GAK: variants seen among roughly 807,000 people sequenced by gnomAD.
The protein encoded by GAK is cyclin-G-associated kinase.
In GAK, 79 loss-of-function variants were observed where a neutral mutation model predicts 143.9. That is an observed-to-expected ratio of 0.55 (90% CI 0.46 to 0.66). The LOEUF is 0.66. GAK is among the 30% of genes least tolerant of loss of function. The pLI, the probability that GAK is intolerant of heterozygous loss-of-function variation, is 0.00. For missense variants in GAK, 1,693 were observed against 1,779.7 expected, an observed-to-expected ratio of 0.95 and a Z score of 0.88; for synonymous variants, 881 against 765.5, an observed-to-expected ratio of 1.15 and a Z score of -2.49.
intron 24 of GAK, among the ~76,000 whole-genome samples, chr4:857,518 T>C (rs865778987): frequency 6.6e-6 from 1 of 152,232 alleles, no homozygotes; most frequent in South Asian, 2.1e-4. Flanking sequence ...ATCTACTTGA[T>C]ATTGGGTAAG....
chr4:920,011 G>A (rs887208761), intron 1 of GAK, among the ~76,000 whole-genome samples: 4 of 151,934 alleles, frequency 2.6e-5, no homozygotes, highest in Admixed American at 1.3e-4. Flanking sequence ...GCAAGATCTT[G>A]TCTTAAAAAA....
intron 1 of GAK, among the ~76,000 whole-genome samples, chr4:924,316 G>A (rs1283778287): frequency 1.3e-5 from 2 of 152,074 alleles, no homozygotes; most frequent in African/African-American, 2.4e-5. Flanking sequence ...TGGTGAGGAA[G>A]TGGAGAGCCA....
intron 1 of GAK, among the ~76,000 whole-genome samples, chr4:926,534 C>T (rs1440094921): frequency 6.6e-6 from 1 of 152,212 alleles, no homozygotes; most frequent in Admixed American, 6.5e-5. Context: ...ACCCACTTTC[C>T]AGGGCTACTG....
At chr4:859,125 C>T (rs1243464606) in intron 24 of GAK, 14 of 975,038 alleles carry the variant, frequency 1.4e-5, no homozygotes, top group Non-Finnish European at 1.7e-5. Context: ...GAAGCCACAG[C>T]GCCCGGGGCC....
intron 1 of GAK, among the ~76,000 whole-genome samples, chr4:920,307 C>CA (rs527953136): frequency 0.04 from 4,800 of 119,416 alleles, 153 homozygotes; most frequent in African/African-American, 0.099. Flanking sequence ...AAGTCCATCT[C>CA]AAAAAAAAAA....
intron 23 of GAK, 91 bp downstream of exon 23, chr4:865,031 A>G: frequency 1.3e-6 from 2 of 1,501,884 alleles, no homozygotes; most frequent in Non-Finnish European, 9.0e-7. Context: ...CTCTGCGCAG[A>G]GAGGGCCCTG....
At position 876,591 on chromosome 4, in the gene GAK, A is replaced by G; in HGVS notation, c.1993T>C (p.Phe665Leu). 6.2e-7 allele frequency: 1 copy of G among 1,614,188 alleles called. No homozygotes were observed. Among genetic ancestry groups the G allele is most frequent in the Non-Finnish European group, 8.5e-7 (1 of 1,180,026 alleles). The part of the protein sequence containing the change: ...LQAKMASMKM[F>L]QIQFHTGFVP... Reference sequence around the variant, plus strand: ...AACCCCGTGTGGAACTGAATCTGGAACATCTTCATGGATGCCATCTGCAAA... The same window carrying G: ...AACCCCGTGTGGAACTGAATCTGGAGCATCTTCATGGATGCCATCTGCAAA... Residue 665 changes from phenylalanine to leucine, a missense_variant, in exon 18 of 28, where the codon TTC becomes CTC. Around this residue, in one of 2 missense-constraint regions of GAK, gnomAD observed 871 missense variants for 991.0 expected, o/e 0.88. Coordinates refer to ENST00000314167, the MANE Select transcript of GAK (RefSeq NM_005255.4).
chr4:921,104 C>G (rs1042599467), intron 1 of GAK, among the ~76,000 whole-genome samples: 2 of 150,274 alleles, frequency 1.3e-5, no homozygotes, highest in Admixed American at 1.3e-4. Context: ...ATTTCTTCTT[C>G]TTTTTCTTTT....
intron 1 of GAK, among the ~76,000 whole-genome samples, chr4:926,704 G>A (rs963833995): frequency 5.3e-5 from 8 of 152,140 alleles, no homozygotes; most frequent in Admixed American, 5.2e-4. Flanking sequence ...TGGAAGTGAA[G>A]GCGGTTGGTA....
intron 11 of GAK, among the ~76,000 whole-genome samples, chr4:884,774 G>A (rs991009164): frequency 2.6e-5 from 4 of 152,242 alleles, no homozygotes; most frequent in East Asian, 1.9e-4. Context: ...GAGCAGAAGG[G>A]AGCCTCCCTC....
intron 1 of GAK, among the ~76,000 whole-genome samples, chr4:920,244 G>T (rs1159130097): frequency 6.6e-6 from 1 of 151,056 alleles, no homozygotes; most frequent in African/African-American, 2.4e-5. Flanking sequence ...GGAGGCGGAG[G>T]TTGCAGTGAG....
At position 876,512 on chromosome 4, in the gene GAK, C is replaced by T. The variant is rs368482013; in HGVS notation, c.2054+18G>A. ...GGCACCTGTCCCTCCCCACCGAGCACAAGCGGTACCAACGTACTTGGCAAA... is the reference window on the plus strand; with the variant it reads ...GGCACCTGTCCCTCCCCACCGAGCATAAGCGGTACCAACGTACTTGGCAAA... On this transcript the variant is annotated intron_variant, in intron 18 of 27. Coordinates refer to ENST00000314167, the MANE Select transcript of GAK (RefSeq NM_005255.4). 6.8e-6 allele frequency: 11 copies of T among 1,611,854 alleles called. No individual in the cohort carries two copies. The African/African-American group carries it at 1.5e-4, about 22-fold the overall frequency.
At chr4:906,775 C>T (rs2152921765) in intron 4 of GAK, among the ~76,000 whole-genome samples, 1 of 152,300 alleles carries the variant, frequency 6.6e-6, no homozygotes, top group Admixed American at 6.5e-5. Flanking sequence ...GAGCCAAGGC[C>T]AGTACCACCA....
At chr4:911,380 T>C (rs1291288071) in intron 4 of GAK, among the ~76,000 whole-genome samples, 1 of 152,180 alleles carries the variant, frequency 6.6e-6, no homozygotes, top group East Asian at 1.9e-4. Context: ...CACCACGCTC[T>C]ACCCCGTGCT....
intron 4 of GAK, among the ~76,000 whole-genome samples, chr4:908,715 G>A (rs778850273): frequency 2.3e-4 from 35 of 152,278 alleles, no homozygotes; most frequent in South Asian, 1.2e-3. Context: ...TTGAGCCCAG[G>A]AGTTTGAAGC....
Position 893,946 on chromosome 4 carries a change from G to A in GAK, c.805C>T (p.Leu269Phe). Reference sequence around the variant, plus strand: ...GAGTACTTCCCATTGACTATTCGAAGTTTCGCTCCATCCTCAAAAGGGTGC... The same window carrying A: ...GAGTACTTCCCATTGACTATTCGAAATTTCGCTCCATCCTCAAAAGGGTGC... ...RQHPFEDGAK[L>F]RIVNGKYSIP... Residue 269 changes from leucine to phenylalanine, a missense_variant, in exon 8 of 28, where the codon CTT (leucine) becomes TTT (phenylalanine). Around this residue, in one of 2 missense-constraint regions of GAK, gnomAD observed 871 missense variants for 991.0 expected, o/e 0.88. Coordinates refer to ENST00000314167, the MANE Select transcript of GAK (RefSeq NM_005255.4). 9.3e-6 allele frequency: 15 copies of A among 1,613,114 alleles called. No individual in the cohort carries two copies. The highest frequency in any genetic ancestry group is 1.3e-5 in the Non-Finnish European group (15 of 1,179,816).
rs1011319594 is a variant in GAK, at chr4:866,373, G to A, written c.3034C>T (p.Leu1012=). ...APPPSCSADF[L]HLGDLPGEPS... ...GGCGAGAGGCACTTACCCAGGTGCA[G>A]GAAGTCGGCGCTGCAGGATGGGGGC... The change falls in exon 22 of 28, where the codon CTG becomes TTG. Residue 1012 remains leucine (L), a synonymous_variant. Transcript: ENST00000314167. The A allele has an allele frequency of 1.9e-6, 3 of 1,613,858 alleles. No homozygotes were observed. The highest frequency in any genetic ancestry group is 1.3e-5 in the African/African-American group (1 of 74,938).
chr4:867,259 C>G lies in GAK; in HGVS notation c.2569G>C (p.Val857Leu). 6.2e-7 allele frequency: 1 copy of G among 1,612,998 alleles called. No homozygotes were observed. Among genetic ancestry groups the G allele is most frequent in the Non-Finnish European group, 8.5e-7 (1 of 1,179,614 alleles). The change falls in exon 21 of 28, where the codon GTG becomes CTG. Residue 857 changes from valine to leucine, a missense_variant. By Grantham distance (32) the Val-to-Leu change is conservative (BLOSUM62 1). This residue lies in a region of GAK where 822 missense variants were observed against 788.7 expected (regional missense o/e 1.04). Transcript: ENST00000314167. ...ACCTCAAAAACCAAGTCCTGCTGCA[C>G]CAGCCCTGCTGCCAGGCCGGGGGGC... ...PEPPGLAAGL[V>L]QQDLVFEVET...
intron 11 of GAK, chr4:887,945 TCC>T (rs1716858264): frequency 6.6e-6 from 1 of 152,104 alleles, no homozygotes; most frequent in Admixed American, 6.5e-5. Context: ...ACACACCCAT[TCC>T]CTCACATGCA....
Sources: allele counts gnomAD v4.1 joint callset (sites outside exome capture counted in the v4.1 genomes callset), GRCh38; gene constraint gnomAD v4.1.1; regional missense constraint gnomAD v4.1.1; transcripts MANE v1.5; gene names NCBI Gene and HGNC (gene_info 2026-07-23, HGNC 2026-07-21).